The following MED16 variants were observed in gnomAD, a reference collection of about 807,000 sequenced individuals.
MED16 encodes mediator of RNA polymerase II transcription subunit 16.
In MED16, 81 loss-of-function variants were observed where a neutral mutation model predicts 84.4. That is an observed-to-expected ratio of 0.96 (90% CI 0.80 to 1.15). The LOEUF (loss-of-function observed/expected upper bound fraction) is 1.15, where lower values mean the gene tolerates loss of function less well. MED16 is among the 50% of genes most tolerant of loss of function. MED16 has a pLI of 0.00. For missense variants in MED16, 1,585 were observed against 1,245.9 expected, an observed-to-expected ratio of 1.27 and a Z score of -4.10; for synonymous variants, 897 against 552.2, an observed-to-expected ratio of 1.62 and a Z score of -8.76.
At chr19:890,538 T>G in intron 2 of MED16, 1 of 376,518 alleles carries the variant, frequency 2.7e-6, no homozygotes, top group South Asian at 5.5e-5. Flanking sequence ...GCACCCCGAT[T>G]TGATTCCAAT....
At chr19:872,630 G>T (rs1451954842) in intron 11 of MED16, among the ~76,000 whole-genome samples, 1 of 151,612 alleles carries the variant, frequency 6.6e-6, no homozygotes, top group Non-Finnish European at 1.5e-5. Flanking sequence ...AATCACAGCT[G>T]GGGCAGGACA....
chr19:874,857 G>A (rs981001210), intron 10 of MED16, among the ~76,000 whole-genome samples: 1 of 152,124 alleles, frequency 6.6e-6, no homozygotes, highest in East Asian at 1.9e-4. Context: ...ATGACACAGT[G>A]AGACCGTCTC....
At position 868,268 on chromosome 19, in the gene MED16, G is replaced by A. The variant is rs766519077; in HGVS notation, c.2484-17C>T. On this transcript the variant is annotated splice_polypyrimidine_tract_variant and intron_variant, in intron 15 of 15. Transcript: ENST00000325464. ...TCAACAGCCCTGCAGGGCGGGCTGAGGTTAACCGCGCCGAGGAGAGTCCAG... is the reference window on the plus strand; with the variant it reads ...TCAACAGCCCTGCAGGGCGGGCTGAAGTTAACCGCGCCGAGGAGAGTCCAG... 1.7e-5 allele frequency: 27 copies of A among 1,590,758 alleles called. No individual in the cohort carries two copies. In the Admixed American group the frequency reaches 1.8e-4, roughly 11 times the overall value.
chr19:890,129 C>A lies in MED16; in HGVS notation c.277+8G>T. 1 of 1,538,024 alleles carries A rather than the reference C, an allele frequency of 6.5e-7. No individual in the cohort carries two copies. Among genetic ancestry groups the A allele is most frequent in the Non-Finnish European group, 8.8e-7 (1 of 1,138,776 alleles). The stretch of plus-strand genomic sequence containing the variant: ...GCCACCCCTGGCCACGTGGGACCAG[C>A]GCCTCACCTGACTGGTCCCACTCCA... On this transcript the variant is annotated splice_region_variant and intron_variant, in intron 3 of 15. Transcript: ENST00000325464.
At chr19:871,494 A>C in intron 12 of MED16, 6 of 1,491,576 alleles carry the variant, frequency 4.0e-6, no homozygotes, top group Non-Finnish European at 4.5e-6. Context: ...TCATTCACTT[A>C]AAAAGTATGT....
At chr19:873,886 A>C (rs1453778637) in intron 10 of MED16, among the ~76,000 whole-genome samples, 1 of 152,098 alleles carries the variant, frequency 6.6e-6, no homozygotes, top group East Asian at 1.9e-4. Context: ...CTGCTGGTGC[A>C]CATCTGCCCC....
intron 12 of MED16, chr19:871,559 C>G (rs934077334): frequency 1.2e-5 from 19 of 1,592,030 alleles, no homozygotes; most frequent in Non-Finnish European, 1.5e-5. Context: ...ACAGCTCACC[C>G]TCCTCACATA....
chr19:872,498 G>A lies in MED16; in HGVS notation c.1906-380C>T, dbSNP rs537473382. On this transcript the variant is annotated intron_variant, in intron 11 of 15. Transcript: ENST00000325464. ...GGACCAGGGAAGGGAGGCCCCAGGG[G>A]TGGCCCCTGGCAGCCTAAAGCCCCA... is the stretch of plus-strand genomic sequence containing the variant. Among the ~76,000 whole-genome samples, 15 of 152,138 alleles carry A rather than the reference G, an allele frequency of 9.9e-5. No homozygotes were observed. In the South Asian group the frequency reaches 3.1e-3, roughly 32 times the overall value.
chr19:879,748 TGTC>T (rs2036369738), intron 8 of MED16, among the ~76,000 whole-genome samples, 186 bp downstream of exon 8: 1 of 151,230 alleles, frequency 6.6e-6, no homozygotes, highest in Non-Finnish European at 1.5e-5. Context: ...TTCCCCTGGT[TGTC>T]AATGCCCACC....
At chr19:892,709 C>G (rs2036662862) in intron 1 of MED16, 1 of 150,246 alleles carries the variant, frequency 6.7e-6, no homozygotes, top group African/African-American at 2.5e-5. Context: ...CCTCTACAGC[C>G]CCCCAGTCCC....
At chr19:871,658 A>G in intron 12 of MED16, 2 of 1,577,756 alleles carry the variant, frequency 1.3e-6, no homozygotes, top group South Asian at 1.1e-5. Flanking sequence ...GACCTGTGCT[A>G]GGAACTGGGG....
At chr19:872,801 G>A (rs1404751680) in intron 11 of MED16, 3 of 234,228 alleles carry the variant, frequency 1.3e-5, no homozygotes, top group Admixed American at 6.0e-5. Context: ...AGCAGCAGCA[G>A]AAGCAAGGCG....
intron 13 of MED16, among the ~76,000 whole-genome samples, chr19:870,385 A>C (rs913666504): frequency 6.6e-6 from 1 of 151,858 alleles, no homozygotes; most frequent in Non-Finnish European, 1.5e-5. Context: ...ACATTGCAAA[A>C]CCGCCTCTAT....
chr19:872,402 A>G (rs2036098941), intron 11 of MED16, among the ~76,000 whole-genome samples: 1 of 152,028 alleles, frequency 6.6e-6, no homozygotes, highest in South Asian at 2.1e-4. Flanking sequence ...CCCCACCTGC[A>G]CGTGGAGGAG....
chr19:868,202 C>G lies in MED16; in HGVS notation c.2533G>C (p.Glu845Gln). ...PDACVTSRAS[E>Q]EAPAFVQLGP... ...AGCTGGACAAAGGCAGGGGCTTCCT[C>G]AGAAGCTCTGCTGGTCACGCAGGCG... is the stretch of plus-strand genomic sequence containing the variant. The change falls in exon 16 of 16, where the codon GAG (glutamate) becomes CAG (glutamine). Residue 845 changes from glutamate (E) to glutamine (Q), a missense_variant. By Grantham distance (29) the Glu-to-Gln change is conservative. Transcript: ENST00000325464. 6.2e-7 allele frequency: 1 copy of G among 1,605,910 alleles called. No individual in the cohort carries two copies. Among genetic ancestry groups the G allele is most frequent in the Non-Finnish European group, 8.5e-7 (1 of 1,176,938 alleles).
At chr19:890,386 C>T in intron 2 of MED16, 142 bp from the exon 3 acceptor site, 1 of 588,240 alleles carries the variant, frequency 1.7e-6, no homozygotes, top group South Asian at 2.2e-5. Flanking sequence ...GTCGACAGCT[C>T]AGGGAACAGG....
intron 10 of MED16, among the ~76,000 whole-genome samples, chr19:874,581 G>C (rs1002765097): frequency 1.3e-5 from 2 of 152,178 alleles, no homozygotes; most frequent in Admixed American, 1.3e-4. Flanking sequence ...GAGCAGACCT[G>C]CCTGCACAGG....
intron 4 of MED16, among the ~76,000 whole-genome samples, chr19:889,136 G>A (rs1321815842): frequency 8.2e-5 from 11 of 133,676 alleles, no homozygotes; most frequent in Non-Finnish European, 3.1e-5. Flanking sequence ...CCCTGGCCAC[G>A]CCTACTCTTA....
At chr19:885,461 G>A (rs936971209) in intron 5 of MED16, among the ~76,000 whole-genome samples, 1 of 152,124 alleles carries the variant, frequency 6.6e-6, no homozygotes. Flanking sequence ...GTTGGGGGGG[G>A]TCCGGGGGCC....
Sources: gnomAD v4.1 joint callset for allele counts (sites outside exome capture counted in the v4.1 genomes callset) on GRCh38, gnomAD v4.1.1 for gene constraint, MANE v1.5 for transcripts, NCBI Gene and HGNC (gene_info 2026-07-23, HGNC 2026-07-21) for gene names.